The following MIPEP variants were observed in gnomAD, a reference collection of about 807,000 sequenced individuals.
The protein encoded by MIPEP is mitochondrial intermediate peptidase.
Under a neutral mutation model 90.3 loss-of-function variants are expected in MIPEP, and 79 were observed. The observed-to-expected ratio is 0.87, with a 90% CI of 0.73 to 1.05. The LOEUF is 1.05. Among genes scored for constraint, MIPEP ranks in the 50% least tolerant of loss-of-function variants. The pLI is 0.00. For synonymous variants in MIPEP, 334 were observed against 315.8 expected (o/e 1.06, Z -0.61); for missense variants, 940 against 905.6 (o/e 1.04, Z -0.49).
At chr13:23,820,230 C>T (rs1342109159) in intron 14 of MIPEP, among the ~76,000 whole-genome samples, 1 of 152,170 alleles carries the variant, frequency 6.6e-6, no homozygotes, top group Non-Finnish European at 1.5e-5. Flanking sequence ...CTTGTGTTGA[C>T]TGAACAGAGG....
chr13:23,739,976 T>C (rs1163975123), intron 18 of MIPEP, among the ~76,000 whole-genome samples: 2 of 152,198 alleles, frequency 1.3e-5, no homozygotes, highest in East Asian at 3.8e-4. Context: ...GGTAGGATAT[T>C]GCTTTTTTCC....
In MIPEP at chr13:23,775,097, C is replaced by A. The variant is rs576039286; in HGVS notation, c.1849-14880G>T. On this transcript the variant is annotated intron_variant, in intron 16 of 18. Coordinates refer to ENST00000382172, the MANE Select transcript of MIPEP (RefSeq NM_005932.4). ...TACAAGCATGAGTCACTGCACCCAG[C>A]CTATCAGTTCTCTGTGTGTGTGTGT... 1.1e-4 allele frequency among the ~76,000 whole-genome samples: 16 copies of A among 142,968 alleles called. No homozygotes were observed. The South Asian group carries it at 3.8e-3, about 34-fold the overall frequency. 93.8% of individuals were successfully genotyped at this position (142,968 alleles called of 152,430 possible).
chr13:23,738,828 G>C (rs1260767013), intron 18 of MIPEP, among the ~76,000 whole-genome samples: 1 of 152,174 alleles, frequency 6.6e-6, no homozygotes, highest in East Asian at 1.9e-4. Context: ...CTGGGAGCCT[G>C]TTAGAAATGT....
At chr13:23,822,335 A>T (rs1305529456) in intron 14 of MIPEP, among the ~76,000 whole-genome samples, 1 of 152,216 alleles carries the variant, frequency 6.6e-6, no homozygotes, top group Non-Finnish European at 1.5e-5. Flanking sequence ...ATAACAAGAC[A>T]ATGCAGCCTG....
Position 23,859,759 on chromosome 13 carries a change from A to C in MIPEP, c.1054-847T>G, listed in dbSNP as rs187907503. ...GAATGTACTTAAACTATTAAGTAGA[A>C]TATCTGGCATTGAGTAAGGGCTCAA... On this transcript the variant is annotated intron_variant, in intron 9 of 18. Transcript: ENST00000382172. Among the ~76,000 whole-genome samples the C allele has an allele frequency of 1.8e-4, 28 of 152,354 alleles. No individual in the cohort carries two copies. In the East Asian group the frequency reaches 4.6e-3, roughly 25 times the overall value.
At chr13:23,888,095 T>C (rs773794812) in intron 1 of MIPEP, 1 of 436,748 alleles carries the variant, frequency 2.3e-6, no homozygotes, top group Non-Finnish European at 4.5e-6. Flanking sequence ...CAGTGCCGAA[T>C]ATCATGATAC....
At chr13:23,788,532 A>C (rs1441818178) in intron 16 of MIPEP, among the ~76,000 whole-genome samples, 1 of 152,224 alleles carries the variant, frequency 6.6e-6, no homozygotes, top group Non-Finnish European at 1.5e-5. Context: ...GGAATGATAC[A>C]CATCACTTCT....
intron 16 of MIPEP, among the ~76,000 whole-genome samples, chr13:23,789,347 A>G (rs530770902): frequency 1.3e-5 from 2 of 152,330 alleles, no homozygotes; most frequent in African/African-American, 4.8e-5. Flanking sequence ...AAAAAGAGCT[A>G]TCTGTCTATA....
chr13:23,871,209 G>T (rs1870791870), intron 5 of MIPEP, among the ~76,000 whole-genome samples: 1 of 152,198 alleles, frequency 6.6e-6, no homozygotes, highest in South Asian at 2.1e-4. Context: ...TGAGGACGTG[G>T]ATGGTGCGGA....
At chr13:23,786,810 A>G (rs1952846354) in intron 16 of MIPEP, among the ~76,000 whole-genome samples, 1 of 152,224 alleles carries the variant, frequency 6.6e-6, no homozygotes, top group Admixed American at 6.5e-5. Flanking sequence ...GTGTCTGGGA[A>G]CATCAACTTT....
chr13:23,868,799 C>T (rs1870654059), intron 7 of MIPEP, among the ~76,000 whole-genome samples: 1 of 152,204 alleles, frequency 6.6e-6, no homozygotes, highest in Admixed American at 6.5e-5. Context: ...TAGCACAAGG[C>T]AAGTTTATGA....
intron 11 of MIPEP, 145 bp from the exon 12 acceptor site, chr13:23,839,871 G>C: frequency 1.8e-6 from 1 of 557,626 alleles, no homozygotes; most frequent in Non-Finnish European, 3.1e-6. Flanking sequence ...TCTCGAGATA[G>C]ATTCTCTTTT....
chr13:23,806,094 A>T (rs1046976758), intron 15 of MIPEP, 25 bp from the exon 16 acceptor site: 2 of 1,612,840 alleles, frequency 1.2e-6, no homozygotes, highest in Admixed American at 3.3e-5. Context: ...ACATCTACTT[A>T]GTTTTGGTCG....
Position 23,858,913 on chromosome 13 carries a change from CTACA to C in MIPEP, c.1054-5_1054-2del, listed in dbSNP as rs772584654. 6.2e-7 allele frequency: 1 copy of C among 1,612,680 alleles called. No individual in the cohort carries two copies. Among genetic ancestry groups the C allele is most frequent in the Non-Finnish European group, 8.5e-7 (1 of 1,178,978 alleles). ...AAGGGGGGTCCCAGGGCATTACTTC[CTACA>C]ATGGAATAATTCACTGTTAAGGAAA... On this transcript the variant is annotated splice_acceptor_variant and splice_polypyrimidine_tract_variant and intron_variant, in intron 9 of 18. Transcript: ENST00000382172. LOFTEE classifies it high-confidence loss of function.
intron 16 of MIPEP, among the ~76,000 whole-genome samples, chr13:23,762,067 G>A (rs1952551615): frequency 6.6e-6 from 1 of 152,112 alleles, no homozygotes. Context: ...GGAGGTTGTA[G>A]TGAGCTAAGA....
intron 4 of MIPEP, among the ~76,000 whole-genome samples, chr13:23,877,219 TGG>T (rs2137530358): frequency 6.6e-6 from 1 of 152,344 alleles, no homozygotes; most frequent in South Asian, 2.1e-4. Flanking sequence ...CTTTATAAAT[TGG>T]ATAGCATTAA....
intron 14 of MIPEP, among the ~76,000 whole-genome samples, chr13:23,822,795 A>G (rs1953322759): frequency 6.6e-6 from 1 of 151,392 alleles, no homozygotes; most frequent in Non-Finnish European, 1.5e-5. Flanking sequence ...CAGAATTGCA[A>G]CTTTTTTTTT....
chr13:23,788,017 G>C lies in MIPEP; in HGVS notation c.1848+17933C>G, dbSNP rs543796904. 5.9e-5 allele frequency among the ~76,000 whole-genome samples: 9 copies of C among 152,320 alleles called. 1 individual carries two copies. Among genetic ancestry groups the C allele is most frequent in the Admixed American group, 2.0e-4 (3 of 15,306 alleles). ...GCCATACCACTGGGAGTCAGCTGGA[G>C]GAGGGTGGGTGTGCATATGTTTGTG... On this transcript the variant is annotated intron_variant, in intron 16 of 18. Coordinates refer to ENST00000382172, the MANE Select transcript of MIPEP (RefSeq NM_005932.4).
chr13:23,858,867 C>A lies in MIPEP; in HGVS notation c.1099G>T (p.Ala367Ser). 1.9e-6 allele frequency: 3 copies of A among 1,613,496 alleles called. No individual in the cohort carries two copies. Among genetic ancestry groups the A allele is most frequent in the Non-Finnish European group, 2.5e-6 (3 of 1,179,530 alleles). The part of the protein sequence containing the change: ...DPPYYSGVIR[A>S]ERYNIEPSLY... The stretch of plus-strand genomic sequence containing the variant: ...ATTTCTTGAAAAACTTACCTTTCTG[C>A]ACGAATCACACCACTGTAGTAAGGG... Residue 367 changes from alanine (A) to serine (S), a missense_variant, in exon 10 of 19, where the codon GCA (alanine) becomes TCA (serine). By Grantham distance (99) the Ala-to-Ser change is moderately conservative. Coordinates refer to ENST00000382172, the MANE Select transcript of MIPEP (RefSeq NM_005932.4).
Sources: gnomAD v4.1 joint callset for allele counts (sites outside exome capture counted in the v4.1 genomes callset) on GRCh38, gnomAD v4.1.1 for gene constraint, MANE v1.5 for transcripts, NCBI Gene and HGNC (gene_info 2026-07-23, HGNC 2026-07-21) for gene names.